Variants in PTPRU observed in about 807,000 individuals in gnomAD.
The protein encoded by PTPRU is protein tyrosine phosphatase receptor type U.
Under a neutral mutation model 166.3 loss-of-function variants are expected in PTPRU, and 69 were observed. The ratio of observed to expected loss-of-function variants is 0.41; its 90% CI spans 0.34 to 0.51. PTPRU has a LOEUF of 0.51. PTPRU is among the 20% of genes least tolerant of loss of function. The pLI is 0.09. For synonymous variants in PTPRU, 793 were observed against 814.0 expected, an observed-to-expected ratio of 0.97 and a Z score of 0.44; for missense variants, 1,657 against 2,013.7, an observed-to-expected ratio of 0.82 and a Z score of 3.39.
At chr1:29,245,064 G>A (rs1305554444) in intron 1 of PTPRU, among the ~76,000 whole-genome samples, 2 of 152,004 alleles carry the variant, frequency 1.3e-5, no homozygotes, top group African/African-American at 4.8e-5. Context: ...CCTGTCCCAG[G>A]GCCTTATCCA....
At chr1:29,241,984 T>C (rs1299468189) in intron 1 of PTPRU, among the ~76,000 whole-genome samples, 4 of 148,030 alleles carry the variant, frequency 2.7e-5, no homozygotes, top group Non-Finnish European at 6.0e-5. Context: ...CTTTGCCTCC[T>C]GGGTTCAAGC....
chr1:29,312,979 A>C (rs1687737181), intron 22 of PTPRU, among the ~76,000 whole-genome samples: 1 of 152,098 alleles, frequency 6.6e-6, no homozygotes, highest in Non-Finnish European at 1.5e-5. Context: ...CGGGCCGCTG[A>C]GGCGCCAGGC....
intron 8 of PTPRU, among the ~76,000 whole-genome samples, chr1:29,278,538 G>A (rs934612830): frequency 6.6e-6 from 1 of 152,138 alleles, no homozygotes; most frequent in African/African-American, 2.4e-5. Flanking sequence ...AGCTCATTTT[G>A]ATTTTCTACA....
In PTPRU at chr1:29,242,860, CCTT is replaced by C. The variant is rs1684117518; in HGVS notation, c.73+6147_73+6149del. Reference sequence around the variant, plus strand: ...CTGGACTATTGCAGTAGCCTGGTAGCCTTCTTGGCCTCTACTCTGCCTGCCATC... The same window carrying C: ...CTGGACTATTGCAGTAGCCTGGTAGCCTTGGCCTCTACTCTGCCTGCCATC... On this transcript the variant is annotated intron_variant, in intron 1 of 29. Transcript: ENST00000373779. 3.9e-5 allele frequency among the ~76,000 whole-genome samples: 6 copies of C among 152,082 alleles called. No individual in the cohort carries two copies. In the South Asian group the frequency reaches 1.2e-3, roughly 32 times the overall value.
intron 14 of PTPRU, among the ~76,000 whole-genome samples, chr1:29,287,183 T>C (rs1686394217): frequency 6.6e-6 from 1 of 152,124 alleles, no homozygotes; most frequent in Non-Finnish European, 1.5e-5. Context: ...TTCTCCATCC[T>C]GCCCTGCCTC....
In PTPRU at chr1:29,260,744, G is replaced by C. The variant is rs150643953; in HGVS notation, c.985G>C (p.Gly329Arg). 1.2e-6 allele frequency: 2 copies of C among 1,610,926 alleles called. No homozygotes were observed. The highest frequency in any genetic ancestry group is 2.2e-5 in the East Asian group (1 of 44,596). ...GGAGATTGAGTACCGCATGGCGCGCGGGCCCTGGGCTGAGGTGCACGCCGT... is the reference window on the plus strand; with the variant it reads ...GGAGATTGAGTACCGCATGGCGCGCCGGCCCTGGGCTGAGGTGCACGCCGT... ...RKEIEYRMAR[G>R]PWAEVHAVSL... Residue 329 changes from glycine (G) to arginine (R), a missense_variant, in exon 7 of 30, where the codon GGG becomes CGG. This residue lies in a region of PTPRU where 453 missense variants were observed against 496.9 expected (regional missense o/e 0.91). Coordinates refer to ENST00000373779, the MANE Select transcript of PTPRU (RefSeq NM_133178.4). This position sits in a 1 kb window ranked among gnomAD's most constrained non-coding sequence, Gnocchi z 8.3.
Position 29,271,127 on chromosome 1 carries a change from C to A in PTPRU, c.1145-4321C>A, listed in dbSNP as rs1398779664. Among the ~76,000 whole-genome samples, 2 of 152,206 alleles carry A rather than the reference C, an allele frequency of 1.3e-5. No homozygotes were observed. The highest frequency in any genetic ancestry group is 4.8e-5 in the African/African-American group (2 of 41,450). ...AAAGTCAACACATGGTGGCCTAATT[C>A]AACAGCTGTTAAATGTTATCCTCAT... On this transcript the variant is annotated intron_variant, in intron 7 of 29. Transcript: ENST00000373779. The surrounding 1 kb of genome is among the most constrained non-coding windows in gnomAD (Gnocchi z 4.4).
rs143318907 is a variant in PTPRU at position 29,317,189 on chromosome 1, C to T, written c.3514-559C>T. Among the ~76,000 whole-genome samples, 179 of 152,232 alleles carry T rather than the reference C, an allele frequency of 1.2e-3. No homozygotes were observed. The highest frequency in any genetic ancestry group is 3.7e-3 in the African/African-American group (153 of 41,542). On this transcript the variant is annotated intron_variant, in intron 24 of 29. Coordinates refer to ENST00000373779, the MANE Select transcript of PTPRU (RefSeq NM_133178.4). This position sits in a 1 kb window ranked among gnomAD's most constrained non-coding sequence, Gnocchi z 5.6. ...TGCGTGAGGTGTGAAGGCATGCGGG[C>T]GGAGGAGATGCCCCGGAGATCCAGG... is the stretch of plus-strand genomic sequence containing the variant.
intron 27 of PTPRU, 55 bp downstream of exon 27, chr1:29,323,551 T>G: frequency 6.2e-7 from 1 of 1,611,286 alleles, no homozygotes; most frequent in Non-Finnish European, 8.5e-7. Context: ...TGGGGCAGCT[T>G]TTAATGACCC....
chr1:29,292,815 G>GGTT (rs1553124678), intron 15 of PTPRU, among the ~76,000 whole-genome samples: 1 of 132,988 alleles, frequency 7.5e-6, no homozygotes, highest in African/African-American at 2.8e-5. Flanking sequence ...AAATTGTTGT[G>GGTT]TTTTTTTTTT....
Position 29,279,363 on chromosome 1 carries a change from T to C in PTPRU, c.1564-93T>C. 7.1e-7 allele frequency: 1 copy of C among 1,399,092 alleles called. No individual in the cohort carries two copies. Among genetic ancestry groups the C allele is most frequent in the Non-Finnish European group, 1.0e-6 (1 of 993,444 alleles). 86.7% of individuals were successfully genotyped at this position (1,399,092 alleles called of 1,614,324 possible). ...CCATAGTCTCCTTTGCTTAGCCTTATCTCTCACTTCCCTGGGACATGGTGG... is the reference window on the plus strand; with the variant it reads ...CCATAGTCTCCTTTGCTTAGCCTTACCTCTCACTTCCCTGGGACATGGTGG... On this transcript the variant is annotated intron_variant, in intron 9 of 29. Coordinates refer to ENST00000373779, the MANE Select transcript of PTPRU (RefSeq NM_133178.4). This position sits in a 1 kb window ranked among gnomAD's most constrained non-coding sequence, Gnocchi z 5.2.
chr1:29,281,358 G>A lies in PTPRU; in HGVS notation c.1868+1217G>A, dbSNP rs376184537. Among the ~76,000 whole-genome samples, 131 of 152,298 alleles carry A rather than the reference G, an allele frequency of 8.6e-4. 1 individual carries two copies. The highest frequency in any genetic ancestry group is 3.4e-3 in the Middle Eastern group (1 of 294). On this transcript the variant is annotated intron_variant, in intron 11 of 29. Coordinates refer to ENST00000373779, the MANE Select transcript of PTPRU (RefSeq NM_133178.4). ...GTTGCTAGAGCCTCAGGGCCCTTAT[G>A]CCACTGAGTCTGGGATGGGTTGGGA...
rs781691616 is a variant in PTPRU, at chr1:29,316,043, C to T, written c.3405C>T (p.Cys1135=). 3 of 1,614,058 alleles carry T rather than the reference C, an allele frequency of 1.9e-6. No homozygotes were observed. The highest frequency in any genetic ancestry group is 2.5e-6 in the Non-Finnish European group (3 of 1,179,932). The stretch of plus-strand genomic sequence containing the variant: ...TTCATGATGCAATCCTGGAGGCCTG[C>T]CTGTGTGGGGAGACCACCATCCCTG... ...IFIHDAILEA[C]LCGETTIPVS... is the part of the protein sequence containing the mutation. Residue 1135 remains cysteine, a synonymous_variant, in exon 24 of 30, where the codon TGC becomes TGT. Coordinates refer to ENST00000373779, the MANE Select transcript of PTPRU (RefSeq NM_133178.4).
intron 21 of PTPRU, among the ~76,000 whole-genome samples, chr1:29,312,289 G>A (rs1687701838): frequency 6.6e-6 from 1 of 152,198 alleles, no homozygotes; most frequent in Non-Finnish European, 1.5e-5. Flanking sequence ...TCACAGCCCA[G>A]GTTTAGGCAT....
chr1:29,303,441 TTGAA>T (rs1687231232), intron 15 of PTPRU, among the ~76,000 whole-genome samples: 1 of 152,194 alleles, frequency 6.6e-6, no homozygotes. Context: ...TTGCCTGTCT[TTGAA>T]TGGGGGTAAT....
chr1:29,238,049 C>T lies in PTPRU; in HGVS notation c.73+1332C>T, dbSNP rs1224112907. ...CAACTTTGTGCGGCCTCCCGGCCGG[C>T]CGGGACCGCCAGGTGTGTGCTTGAG... On this transcript the variant is annotated intron_variant, in intron 1 of 29. Coordinates refer to ENST00000373779, the MANE Select transcript of PTPRU (RefSeq NM_133178.4). This position sits in a 1 kb window ranked among gnomAD's most constrained non-coding sequence, Gnocchi z 6.1. 6.6e-6 allele frequency among the ~76,000 whole-genome samples: 1 copy of T among 151,554 alleles called. No homozygotes were observed. The highest frequency in any genetic ancestry group is 2.0e-4 in the East Asian group (1 of 5,054).
Position 29,258,568 on chromosome 1 carries a change from A to G in PTPRU, c.269A>G (p.Gln90Arg). Residue 90 changes from glutamine to arginine, a missense_variant, in exon 3 of 30, where the codon CAG becomes CGG. This residue lies in a region of PTPRU where 453 missense variants were observed against 496.9 expected (regional missense o/e 0.91). Transcript: ENST00000373779. ...GGCCAGCGAGCCCATGTCATCTTCC[A>G]GAGCCTGAGCGAGAATGATACCCAC... is the stretch of plus-strand genomic sequence containing the variant. ...APGQRAHVIF[Q>R]SLSENDTHCV... The G allele has an allele frequency of 6.2e-7, 1 of 1,614,246 alleles. No homozygotes were observed. Among genetic ancestry groups the G allele is most frequent in the Non-Finnish European group, 8.5e-7 (1 of 1,180,044 alleles).
At position 29,323,877 on chromosome 1, in the gene PTPRU, A is replaced by G. The variant is rs373899911; in HGVS notation, c.4112+89A>G. The G allele has an allele frequency of 6.9e-5, 100 of 1,456,276 alleles. No homozygotes were observed. In the African/African-American group the frequency reaches 1.2e-3, roughly 17 times the overall value. 90.2% of individuals were successfully genotyped at this position (1,456,276 alleles called of 1,614,324 possible). A position where few individuals can be genotyped will look rare whatever the true frequency, so the allele number is the denominator to read the frequency against. On this transcript the variant is annotated intron_variant, in intron 28 of 29. Transcript: ENST00000373779. ...CTGAAAGGGTGCCAGCTTTGGCTGGACTGCAAAGCTGGCACCGAAACCCCT... is the reference window on the plus strand; with the variant it reads ...CTGAAAGGGTGCCAGCTTTGGCTGGGCTGCAAAGCTGGCACCGAAACCCCT...
Position 29,239,257 on chromosome 1 carries a change from C to T in PTPRU, c.73+2540C>T, listed in dbSNP as rs192603860. 2.6e-3 allele frequency among the ~76,000 whole-genome samples: 403 copies of T among 152,280 alleles called. 3 individuals carry two copies. Among genetic ancestry groups the T allele is most frequent in the African/African-American group, 9.1e-3 (377 of 41,546 alleles). On this transcript the variant is annotated intron_variant, in intron 1 of 29. Transcript: ENST00000373779. Reference sequence around the variant, plus strand: ...GTCAGCCCAGCTCCCTGAATGGCTCCGGAGCTTCCGGGTAGGGGCGGTGTG... The same window carrying T: ...GTCAGCCCAGCTCCCTGAATGGCTCTGGAGCTTCCGGGTAGGGGCGGTGTG...
Sources: allele counts gnomAD v4.1 joint callset (sites outside exome capture counted in the v4.1 genomes callset), GRCh38; gene constraint gnomAD v4.1.1; regional missense constraint gnomAD v4.1.1; non-coding constraint Gnocchi (gnomAD v3.1); transcripts MANE v1.5; gene names NCBI Gene and HGNC (gene_info 2026-07-23, HGNC 2026-07-21).